The following PRKG1 variants were observed in gnomAD, a reference collection of about 807,000 sequenced individuals.
PRKG1 encodes protein kinase cGMP-dependent 1.
Under a neutral mutation model 88.1 loss-of-function variants are expected in PRKG1, and 35 were observed. The ratio of observed to expected loss-of-function variants is 0.40; its 90% CI spans 0.30 to 0.53. The LOEUF (loss-of-function observed/expected upper bound fraction) is 0.53. PRKG1 is among the 20% of genes least tolerant of loss of function. PRKG1 has a pLI of 0.59. For missense variants in PRKG1, 540 were observed against 839.8 expected (o/e 0.64, Z 4.41); for synonymous variants, 303 against 292.5 (o/e 1.04, Z -0.37).
chr10:52,048,758 G>A (rs1273119605), intron 5 of PRKG1, among the ~76,000 whole-genome samples: 2 of 151,970 alleles, frequency 1.3e-5, no homozygotes, highest in Non-Finnish European at 2.9e-5. Context: ...TATTGTCTTT[G>A]GGGAAATGTA....
chr10:51,525,427 A>G (rs1435377977), intron 3 of PRKG1, among the ~76,000 whole-genome samples: 1 of 152,208 alleles, frequency 6.6e-6, no homozygotes, highest in African/African-American at 2.4e-5. Flanking sequence ...AGCCGGGTGC[A>G]GTGGCTCACG....
At chr10:51,429,599 C>A (rs1442563330) in intron 2 of PRKG1, among the ~76,000 whole-genome samples, 1 of 152,032 alleles carries the variant, frequency 6.6e-6, no homozygotes, top group Non-Finnish European at 1.5e-5. Context: ...AGTATGACAG[C>A]AATGACTCAT....
intron 3 of PRKG1, among the ~76,000 whole-genome samples, chr10:51,585,712 T>G (rs1455070466): frequency 6.6e-6 from 1 of 152,064 alleles, no homozygotes; most frequent in Non-Finnish European, 1.5e-5. Context: ...ACATGTGGAA[T>G]CAACCTAGGA....
At chr10:51,452,548 T>A (rs1839466290) in intron 2 of PRKG1, among the ~76,000 whole-genome samples, 1 of 151,902 alleles carries the variant, frequency 6.6e-6, no homozygotes, top group African/African-American at 2.4e-5. Flanking sequence ...GTTGAGATGA[T>A]CATATGATTT....
intron 9 of PRKG1, among the ~76,000 whole-genome samples, chr10:52,210,888 T>C (rs1839954408): frequency 6.6e-6 from 1 of 152,200 alleles, no homozygotes. Flanking sequence ...TAAAAGTACA[T>C]ATCAAAAATA....
At position 51,351,443 on chromosome 10, in the gene PRKG1, G is replaced by A. The variant is rs769625510; in HGVS notation, c.479-116280G>A. Among the ~76,000 whole-genome samples the A allele has an allele frequency of 3.9e-5, 6 of 151,992 alleles. No homozygotes were observed. In the South Asian group the frequency reaches 8.3e-4, roughly 21 times the overall value. On this transcript the variant is annotated intron_variant, in intron 2 of 17. Coordinates refer to ENST00000373980, the MANE Select transcript of PRKG1 (RefSeq NM_006258.4). ...CTGTTGTTTCCTGACTTTAATGATCGCCATTCTAACTGGTATGACATGGTA... is the reference window on the plus strand; with the variant it reads ...CTGTTGTTTCCTGACTTTAATGATCACCATTCTAACTGGTATGACATGGTA...
chr10:52,030,822 A>G (rs749403821), intron 5 of PRKG1, among the ~76,000 whole-genome samples: 6 of 152,226 alleles, frequency 3.9e-5, no homozygotes, highest in Non-Finnish European at 8.8e-5. Flanking sequence ...GCATAAATGT[A>G]TAAATGCATT....
At chr10:51,609,269 C>T (rs999020433) in intron 3 of PRKG1, among the ~76,000 whole-genome samples, 1 of 152,136 alleles carries the variant, frequency 6.6e-6, no homozygotes, top group Non-Finnish European at 1.5e-5. Flanking sequence ...CACTCACCCA[C>T]CAGTCATTCA....
intron 5 of PRKG1, among the ~76,000 whole-genome samples, chr10:51,965,619 G>T (rs1440840728): frequency 1.3e-5 from 2 of 152,144 alleles, no homozygotes; most frequent in Non-Finnish European, 2.9e-5. Context: ...GCAAAACAAG[G>T]TATTTGATGA....
At chr10:51,967,728 C>T (rs928419254) in intron 5 of PRKG1, among the ~76,000 whole-genome samples, 9 of 152,204 alleles carry the variant, frequency 5.9e-5, no homozygotes, top group African/African-American at 1.4e-4. Flanking sequence ...GGAATCCCGC[C>T]GTTCCTCAGA....
chr10:52,166,880 T>TAC (rs143459696), intron 9 of PRKG1, among the ~76,000 whole-genome samples: 45,345 of 121,194 alleles, frequency 0.37, 9,898 homozygotes, highest in Admixed American at 0.51. Context: ...TGTGTATGTA[T>TAC]ACACACACAC....
intron 1 of PRKG1, among the ~76,000 whole-genome samples, chr10:51,065,787 C>A (rs1015699917): frequency 1.3e-5 from 2 of 152,030 alleles, no homozygotes. Context: ...AGACATAATT[C>A]TTTGCTTTCA....
chr10:51,788,407 T>G (rs1838783737), intron 3 of PRKG1, among the ~76,000 whole-genome samples: 2 of 152,160 alleles, frequency 1.3e-5, no homozygotes, highest in South Asian at 4.1e-4. Context: ...TTTGAAAATG[T>G]AAAACAGCTG....
intron 2 of PRKG1, among the ~76,000 whole-genome samples, chr10:51,435,809 A>C (rs1838912006): frequency 6.6e-6 from 1 of 152,022 alleles, no homozygotes; most frequent in South Asian, 2.1e-4. Flanking sequence ...ATGGTAGATT[A>C]GGTGCCAAGT....
At chr10:52,142,045 C>G (rs1158465385) in intron 8 of PRKG1, among the ~76,000 whole-genome samples, 1 of 152,126 alleles carries the variant, frequency 6.6e-6, no homozygotes, top group African/African-American at 2.4e-5. Context: ...AGAATTAAGA[C>G]AGATCGGGTA....
At chr10:51,851,595 T>TCC (rs1840557047) in intron 4 of PRKG1, among the ~76,000 whole-genome samples, 1 of 152,216 alleles carries the variant, frequency 6.6e-6, no homozygotes, top group Non-Finnish European at 1.5e-5. Flanking sequence ...CATTTAAATG[T>TCC]ATTACCTATT....
At chr10:51,699,839 C>G (rs994229793) in intron 3 of PRKG1, among the ~76,000 whole-genome samples, 1 of 152,178 alleles carries the variant, frequency 6.6e-6, no homozygotes, top group African/African-American at 2.4e-5. Context: ...AGCCCCACTA[C>G]GACACGCTTG....
chr10:52,040,341 C>T (rs1315572839), intron 5 of PRKG1, among the ~76,000 whole-genome samples: 2 of 152,168 alleles, frequency 1.3e-5, no homozygotes, highest in African/African-American at 4.8e-5. Context: ...GTGTGATTCC[C>T]TGTAACACAT....
intron 1 of PRKG1, among the ~76,000 whole-genome samples, chr10:51,029,159 A>G (rs1311787702): frequency 6.6e-6 from 1 of 152,220 alleles, no homozygotes; most frequent in East Asian, 1.9e-4. Flanking sequence ...AATTTGCTTC[A>G]AAATAATAGC....
Sources: gnomAD v4.1 joint callset for allele counts (sites outside exome capture counted in the v4.1 genomes callset) on GRCh38, gnomAD v4.1.1 for gene constraint, MANE v1.5 for transcripts, NCBI Gene and HGNC (gene_info 2026-07-23, HGNC 2026-07-21) for gene names.